Variants in CCT6B observed in about 807,000 individuals in gnomAD.
CCT6B encodes chaperonin containing TCP1 subunit 6B.
In CCT6B, 49 loss-of-function variants were observed where a neutral mutation model predicts 61.5. That is an observed-to-expected ratio of 0.80 (90% confidence interval 0.63 to 1.01). The LOEUF is 1.01. Among genes scored for constraint, CCT6B ranks in the 50% least tolerant of loss-of-function variants. The probability of loss-of-function intolerance (pLI) is 0.00; values close to 1 mark genes in which losing one functional copy is unlikely to be tolerated. For missense variants in CCT6B, 666 were observed against 634.7 expected (o/e 1.05, Z -0.53); for synonymous variants, 228 against 214.5 (o/e 1.06, Z -0.55).
At chr17:34,934,644 A>T (rs549111525) in intron 10 of CCT6B, among the ~76,000 whole-genome samples, 2 of 152,192 alleles carry the variant, frequency 1.3e-5, no homozygotes, top group South Asian at 2.1e-4. Context: ...TACGTCTATT[A>T]AAAAAATTGA....
At chr17:34,953,099 T>C (rs1274906319) in intron 4 of CCT6B, among the ~76,000 whole-genome samples, 1 of 151,998 alleles carries the variant, frequency 6.6e-6, no homozygotes, top group Non-Finnish European at 1.5e-5. Flanking sequence ...TTCCAGTACA[T>C]TTGGCATTTG....
chr17:34,931,856 G>A (rs147084820), intron 11 of CCT6B, among the ~76,000 whole-genome samples: 10 of 152,202 alleles, frequency 6.6e-5, no homozygotes, highest in African/African-American at 9.6e-5. Context: ...AGGAATGGTC[G>A]CTTTCTGTCC....
intron 8 of CCT6B, 149 bp downstream of exon 8, chr17:34,940,387 AATT>A: frequency 1.9e-6 from 1 of 528,890 alleles, no homozygotes; most frequent in Non-Finnish European, 3.4e-6. Context: ...TTGACAGTTC[AATT>A]ATTTACTGAA....
At chr17:34,956,265 G>T (rs138086378) in intron 3 of CCT6B, among the ~76,000 whole-genome samples, 1 of 152,282 alleles carries the variant, frequency 6.6e-6, no homozygotes, top group Non-Finnish European at 1.5e-5. Flanking sequence ...CATGTTGCTT[G>T]TCTTCTCTGT....
intron 5 of CCT6B, among the ~76,000 whole-genome samples, chr17:34,946,068 T>C (rs991867720): frequency 1.3e-5 from 2 of 152,224 alleles, no homozygotes; most frequent in Non-Finnish European, 2.9e-5. Context: ...AAGGGCTACA[T>C]ACTCAGGATT....
At chr17:34,945,127 T>C (rs2090209014) in intron 5 of CCT6B, among the ~76,000 whole-genome samples, 1 of 152,176 alleles carries the variant, frequency 6.6e-6, no homozygotes, top group Non-Finnish European at 1.5e-5. Flanking sequence ...TTTTGCTGAA[T>C]CCACCTCATC....
chr17:34,948,582 C>A (rs1597753912), intron 5 of CCT6B, among the ~76,000 whole-genome samples: 1 of 151,872 alleles, frequency 6.6e-6, no homozygotes, highest in African/African-American at 2.4e-5. Context: ...AATGTTTTGG[C>A]ACATGCCCGC....
Position 34,931,060 on chromosome 17 carries a change from A to G in CCT6B, c.1348-9T>C. 2.8e-6 allele frequency: 3 copies of G among 1,075,850 alleles called. No homozygotes were observed. The highest frequency in any genetic ancestry group is 3.4e-5 in the South Asian group (2 of 59,054). 66.6% of individuals were successfully genotyped at this position (1,075,850 alleles called of 1,614,324 possible). A position where few individuals can be genotyped will look rare whatever the true frequency, so the allele number is the denominator to read the frequency against. ...GCATTCTGAGCAAGAACCTTTAGGA[A>G]TAAAAATAATAATATATATTATATA... On this transcript the variant is annotated splice_polypyrimidine_tract_variant and intron_variant, in intron 11 of 13. Transcript: ENST00000314144.
rs2089987350 is a variant in CCT6B at position 34,928,008 on chromosome 17, A to G, written c.*40T>C. The G allele has an allele frequency of 1.4e-6, 2 of 1,475,716 alleles. No individual in the cohort carries two copies. The highest frequency in any genetic ancestry group is 2.8e-5 in the African/African-American group (2 of 71,952). 91.4% of individuals were successfully genotyped at this position (1,475,716 alleles called of 1,614,324 possible). A position where few individuals can be genotyped will look rare whatever the true frequency, so the allele number is the denominator to read the frequency against. On this transcript the variant is annotated 3_prime_UTR_variant, in exon 14 of 14. Coordinates refer to ENST00000314144, the MANE Select transcript of CCT6B (RefSeq NM_006584.4). The stretch of plus-strand genomic sequence containing the variant: ...ATAGTAGTCAGATGTAAAGTGTACT[A>G]AATTTCATCTTCTAGAAGGGTTGAT...
At chr17:34,954,921 T>C (rs577094184) in intron 3 of CCT6B, among the ~76,000 whole-genome samples, 49 of 152,290 alleles carry the variant, frequency 3.2e-4, no homozygotes, top group Non-Finnish European at 1.8e-4. Context: ...GAACCACCAC[T>C]GAATTGGGGA....
At chr17:34,956,090 C>T (rs544247488) in intron 3 of CCT6B, among the ~76,000 whole-genome samples, 1 of 152,294 alleles carries the variant, frequency 6.6e-6, no homozygotes, top group African/African-American at 2.4e-5. Flanking sequence ...TAGTATGTTT[C>T]TATGTTTGGT....
chr17:34,934,315 A>C (rs189060994), intron 10 of CCT6B, among the ~76,000 whole-genome samples: 2 of 152,310 alleles, frequency 1.3e-5, no homozygotes, highest in Non-Finnish European at 2.9e-5. Flanking sequence ...ATTATGATCG[A>C]CTTTATGACA....
chr17:34,936,924 G>A (rs1201215647), intron 10 of CCT6B, among the ~76,000 whole-genome samples: 9 of 152,160 alleles, frequency 5.9e-5, no homozygotes, highest in African/African-American at 1.7e-4. Context: ...AGGCCAAGGC[G>A]GGAGGATCGC....
intron 1 of CCT6B, among the ~76,000 whole-genome samples, chr17:34,961,034 G>T (rs549142932): frequency 1.3e-5 from 2 of 152,326 alleles, no homozygotes; most frequent in South Asian, 2.1e-4. Context: ...CGACAAGTCG[G>T]GGGTCGGGGA....
chr17:34,942,939 T>C (rs1022680595), intron 5 of CCT6B, 33 bp from the exon 6 acceptor site: 1 of 1,198,168 alleles, frequency 8.3e-7, no homozygotes, highest in Non-Finnish European at 1.2e-6. Flanking sequence ...TTACTTTGAA[T>C]ATATACTCTA....
chr17:34,950,252 T>A (rs562298202), intron 5 of CCT6B, among the ~76,000 whole-genome samples: 1 of 152,318 alleles, frequency 6.6e-6, no homozygotes, highest in Admixed American at 6.5e-5. Flanking sequence ...AGTACTGTAT[T>A]CAAAAGCAGG....
At chr17:34,952,156 G>A in intron 4 of CCT6B, 103 bp from the exon 5 acceptor site, 3 of 661,242 alleles carry the variant, frequency 4.5e-6, no homozygotes, top group Admixed American at 3.1e-5. Flanking sequence ...AAGCCTTCAG[G>A]ATTCAAAACC....
intron 10 of CCT6B, among the ~76,000 whole-genome samples, chr17:34,932,876 G>A (rs2090052204): frequency 6.6e-6 from 1 of 152,040 alleles, no homozygotes; most frequent in Non-Finnish European, 1.5e-5. Context: ...CTGCCTTCCA[G>A]GTTCAAGTGA....
intron 4 of CCT6B, 71 bp downstream of exon 4, chr17:34,954,355 T>C: frequency 8.0e-7 from 1 of 1,245,604 alleles, no homozygotes; most frequent in Non-Finnish European, 1.1e-6. Context: ...CTTGATTATC[T>C]TACAGAAAAA....
Sources: allele counts gnomAD v4.1 joint callset (sites outside exome capture counted in the v4.1 genomes callset), GRCh38; gene constraint gnomAD v4.1.1; transcripts MANE v1.5; gene names NCBI Gene and HGNC (gene_info 2026-07-23, HGNC 2026-07-21).